The following TBC1D9 variants were observed in gnomAD, a reference collection of about 807,000 sequenced individuals.
TBC1D9 encodes TBC1 domain family member 9, also known as TBC1 domain family member 9A.
Under a neutral mutation model 132.0 loss-of-function variants are expected in TBC1D9, and 63 were observed. The ratio of observed to expected loss-of-function variants is 0.48; its 90% confidence interval spans 0.39 to 0.59. The LOEUF is 0.59. TBC1D9 is among the 20% of genes least tolerant of loss of function. The pLI is 0.00. For synonymous variants in TBC1D9, 610 were observed against 609.9 expected, an observed-to-expected ratio of 1.00 and a Z score of 0.00; for missense variants, 1,261 against 1,592.7, an observed-to-expected ratio of 0.79 and a Z score of 3.54.
rs1198263897 is a variant in TBC1D9 at position 140,739,838 on chromosome 4, GA to G, written c.130+16077del. Among the ~76,000 whole-genome samples, 5 of 150,762 alleles carry G rather than the reference GA, an allele frequency of 3.3e-5. No homozygotes were observed. In the South Asian group the frequency reaches 6.3e-4, roughly 19 times the overall value. Reference sequence around the variant, plus strand: ...GGCAATAACAAGACCCTATCATATTGAAAAAAAAAATTTTTTTTAAACAGAA... The same window carrying G: ...GGCAATAACAAGACCCTATCATATTGAAAAAAAAATTTTTTTTAAACAGAA... On this transcript the variant is annotated intron_variant, in intron 1 of 20. Transcript: ENST00000442267.
chr4:140,651,378 G>T (rs1467847902), intron 13 of TBC1D9, among the ~76,000 whole-genome samples: 1 of 152,140 alleles, frequency 6.6e-6, no homozygotes, highest in African/African-American at 2.4e-5. Context: ...TGGAAGGATG[G>T]CTTGAGCCTG....
intron 16 of TBC1D9, 43 bp from the exon 17 acceptor site, chr4:140,628,408 C>A: frequency 6.6e-7 from 1 of 1,517,046 alleles, no homozygotes; most frequent in Non-Finnish European, 9.2e-7. Flanking sequence ...ATCACATGTG[C>A]TAATAAACTC....
At chr4:140,698,008 C>A (rs1311564578) in intron 2 of TBC1D9, among the ~76,000 whole-genome samples, 1 of 152,200 alleles carries the variant, frequency 6.6e-6, no homozygotes, top group Non-Finnish European at 1.5e-5. Flanking sequence ...GCTGCAGCGT[C>A]CTTTTCACAC....
chr4:140,677,372 A>G (rs1351656218), intron 5 of TBC1D9, among the ~76,000 whole-genome samples: 1 of 152,230 alleles, frequency 6.6e-6, no homozygotes, highest in African/African-American at 2.4e-5. Context: ...AAGCCTGAAC[A>G]GGAAACTCTT....
At chr4:140,636,845 TTAG>T (rs1736888956) in intron 15 of TBC1D9, among the ~76,000 whole-genome samples, 1 of 152,192 alleles carries the variant, frequency 6.6e-6, no homozygotes. Context: ...ATTGGATTCT[TTAG>T]TAGAAGAGAC....
intron 10 of TBC1D9, among the ~76,000 whole-genome samples, chr4:140,660,800 G>C (rs150029054): frequency 3.9e-5 from 6 of 152,340 alleles, no homozygotes; most frequent in African/African-American, 1.4e-4. Context: ...ATGCAGTAGA[G>C]GGAGACTAAC....
At chr4:140,630,895 T>C (rs1462909519) in intron 16 of TBC1D9, among the ~76,000 whole-genome samples, 1 of 152,178 alleles carries the variant, frequency 6.6e-6, no homozygotes, top group Non-Finnish European at 1.5e-5. Context: ...AGAACTTTAC[T>C]TGAATTGTTT....
At chr4:140,739,190 C>T (rs1051139568) in intron 1 of TBC1D9, among the ~76,000 whole-genome samples, 5 of 152,104 alleles carry the variant, frequency 3.3e-5, no homozygotes, top group Non-Finnish European at 7.4e-5. Flanking sequence ...GGAGTATCTC[C>T]AAGTTGGTCA....
chr4:140,710,455 C>T (rs986617400), intron 1 of TBC1D9, among the ~76,000 whole-genome samples: 2 of 152,098 alleles, frequency 1.3e-5, no homozygotes, highest in Non-Finnish European at 2.9e-5. Flanking sequence ...AGTAAATGCT[C>T]AACAAGAGAG....
rs1308482897 is a variant in TBC1D9 at position 140,622,241 on chromosome 4, G to T, written c.3755C>A (p.Pro1252His). 3 of 1,600,554 alleles carry T rather than the reference G, an allele frequency of 1.9e-6. No homozygotes were observed. The highest frequency in any genetic ancestry group is 2.6e-6 in the Non-Finnish European group (3 of 1,168,776). The change falls in exon 21 of 21, where the codon CCC (proline) becomes CAC (histidine). Residue 1252 changes from proline to histidine, a missense_variant. Physicochemically the swap from Pro to His is moderately conservative, Grantham distance 77. Around this residue, in one of 3 missense-constraint regions of TBC1D9, gnomAD observed 618 missense variants for 724.4 expected, o/e 0.85. Coordinates refer to ENST00000442267, the MANE Select transcript of TBC1D9 (RefSeq NM_015130.3). ...SAKNIRMMGK[P>H]LTSASDYEIS... The stretch of plus-strand genomic sequence containing the variant: ...TTCATAGTCACTGGCCGAGGTGAGG[G>T]GCTTGCCCATCATCCGGATGTTTTT...
intron 10 of TBC1D9, among the ~76,000 whole-genome samples, chr4:140,661,502 A>G (rs1310138143): frequency 6.6e-6 from 1 of 152,202 alleles, no homozygotes; most frequent in Non-Finnish European, 1.5e-5. Context: ...GTTGAGGCAG[A>G]CAGTGATCAG....
chr4:140,715,064 C>T (rs1738312861), intron 1 of TBC1D9, among the ~76,000 whole-genome samples: 1 of 152,146 alleles, frequency 6.6e-6, no homozygotes, highest in African/African-American at 2.4e-5. Flanking sequence ...ATCGAGGCTG[C>T]AGTAAGCAGT....
At chr4:140,664,387 T>G (rs1737411830) in intron 9 of TBC1D9, among the ~76,000 whole-genome samples, 2 of 152,290 alleles carry the variant, frequency 1.3e-5, no homozygotes, top group South Asian at 4.1e-4. Context: ...GTTGGAAGAC[T>G]TAATGTTGTT....
At chr4:140,685,566 A>G (rs1737766382) in intron 3 of TBC1D9, among the ~76,000 whole-genome samples, 1 of 152,158 alleles carries the variant, frequency 6.6e-6, no homozygotes, top group African/African-American at 2.4e-5. Context: ...ACTAAATGCA[A>G]TGTCTTCCTA....
Position 140,677,054 on chromosome 4 carries a change from C to T in TBC1D9, c.899G>A (p.Arg300Gln), listed in dbSNP as rs756764581. Residue 300 changes from arginine (R) to glutamine (Q), a missense_variant, in exon 6 of 21, where the codon CGG becomes CAG. Arg to Gln is a conservative substitution (Grantham distance 43, BLOSUM62 1). Around this residue, in one of 3 missense-constraint regions of TBC1D9, gnomAD observed 550 missense variants for 699.0 expected, o/e 0.79. Coordinates refer to ENST00000442267, the MANE Select transcript of TBC1D9 (RefSeq NM_015130.3). ...AKSERYRALFRLPKDEKLDGH... is the reference protein window; with the variant it reads ...AKSERYRALFQLPKDEKLDGH... ...ATCTAATTTTTCATCTTTGGGCAGC[C>T]GGAAAAGTGCACGGTATCTCTCACT... 8.1e-6 allele frequency: 13 copies of T among 1,613,678 alleles called. No individual in the cohort carries two copies. Among genetic ancestry groups the T allele is most frequent in the Middle Eastern group, 1.6e-4 (1 of 6,082 alleles).
intron 6 of TBC1D9, among the ~76,000 whole-genome samples, chr4:140,675,913 G>A (rs1182994363): frequency 2.6e-5 from 4 of 152,096 alleles, no homozygotes; most frequent in African/African-American, 9.7e-5. Context: ...GGCATCTTGG[G>A]GGCCTTGCTG....
rs988032229 is a variant in TBC1D9, at chr4:140,631,379, C to T, written c.2746+2569G>A. On this transcript the variant is annotated intron_variant, in intron 16 of 20. Transcript: ENST00000442267. Reference sequence around the variant, plus strand: ...CTGGGACTACAGGCGCCCACCAGTACGCCCGGCTAATTTTTTGTATTTTTA... The same window carrying T: ...CTGGGACTACAGGCGCCCACCAGTATGCCCGGCTAATTTTTTGTATTTTTA... Among the ~76,000 whole-genome samples, 14 of 151,918 alleles carry T rather than the reference C, an allele frequency of 9.2e-5. No individual in the cohort carries two copies. In the South Asian group the frequency reaches 1.2e-3, roughly 13 times the overall value.
intron 1 of TBC1D9, among the ~76,000 whole-genome samples, chr4:140,724,320 G>A (rs1030976662): frequency 6.6e-6 from 1 of 152,144 alleles, no homozygotes; most frequent in Admixed American, 6.5e-5. Flanking sequence ...ATAGGCAACT[G>A]GATATAGCTT....
At chr4:140,739,277 C>T (rs72720330) in intron 1 of TBC1D9, among the ~76,000 whole-genome samples, 6,894 of 152,268 alleles carry the variant, frequency 0.045, 211 homozygotes, top group South Asian at 0.088. Context: ...AGCCACCGCA[C>T]CTGGCTCAAA....
Sources: gnomAD v4.1 joint callset for allele counts (sites outside exome capture counted in the v4.1 genomes callset) on GRCh38, gnomAD v4.1.1 for gene constraint, gnomAD v4.1.1 regional missense constraint, MANE v1.5 for transcripts, NCBI Gene and HGNC (gene_info 2026-07-23, HGNC 2026-07-21) for gene names.